The following RUNX1 variants were observed in gnomAD, a reference collection of about 807,000 sequenced individuals.
The protein encoded by RUNX1 is RUNX family transcription factor 1.
Under a neutral mutation model 42.8 loss-of-function variants are expected in RUNX1, and 19 were observed. The observed-to-expected ratio is 0.44, with a 90% CI of 0.31 to 0.65. The LOEUF (loss-of-function observed/expected upper bound fraction) is 0.65, where lower values mean the gene tolerates loss of function less well. Among genes scored for constraint, RUNX1 ranks in the 30% least tolerant of loss-of-function variants. RUNX1 has a pLI of 0.07. For synonymous variants in RUNX1, 271 were observed against 289.4 expected, an observed-to-expected ratio of 0.94 and a Z score of 0.64; for missense variants, 528 against 672.0, an observed-to-expected ratio of 0.79 and a Z score of 2.37.
intron 8 of RUNX1, 57 bp downstream of exon 8, chr21:34,799,244 T>G: frequency 6.3e-7 from 1 of 1,589,230 alleles, no homozygotes; most frequent in Non-Finnish European, 8.6e-7. Flanking sequence ...GCACCTCTAG[T>G]CTCCTGGACC....
At chr21:34,944,325 C>A (rs1265400278) in intron 2 of RUNX1, among the ~76,000 whole-genome samples, 1 of 152,122 alleles carries the variant, frequency 6.6e-6, no homozygotes, top group Non-Finnish European at 1.5e-5. Context: ...TTTTCTTATT[C>A]TTTGAGTTTC....
At chr21:34,935,658 T>C (rs1359434047) in intron 2 of RUNX1, among the ~76,000 whole-genome samples, 9 of 152,042 alleles carry the variant, frequency 5.9e-5, no homozygotes, top group Non-Finnish European at 1.3e-4. Context: ...GGATGAATCA[T>C]TGCTGTGGAG....
intron 2 of RUNX1, among the ~76,000 whole-genome samples, chr21:35,045,102 C>G (rs2059386537): frequency 2.0e-5 from 3 of 152,192 alleles, no homozygotes; most frequent in Admixed American, 2.0e-4. Context: ...AACACTTAAA[C>G]ATTTCAAAAT....
intron 5 of RUNX1, among the ~76,000 whole-genome samples, chr21:34,861,720 C>A (rs1387599760): frequency 6.6e-6 from 1 of 152,226 alleles, no homozygotes; most frequent in East Asian, 1.9e-4. Context: ...ATCCAAGGCT[C>A]CTTGCTGCAC....
intron 2 of RUNX1, among the ~76,000 whole-genome samples, chr21:34,971,987 C>A (rs1016783265): frequency 1.3e-5 from 2 of 152,170 alleles, no homozygotes; most frequent in Non-Finnish European, 2.9e-5. Flanking sequence ...CTCTTAGAGA[C>A]CATAATTTTA....
At chr21:34,888,309 T>G in intron 3 of RUNX1, 2 of 1,067,404 alleles carry the variant, frequency 1.9e-6, no homozygotes, top group Non-Finnish European at 2.3e-6. Flanking sequence ...ATCGGGCGGC[T>G]CGGGTTACAC....
At position 34,789,929 on chromosome 21, in the gene RUNX1, T is replaced by G; in HGVS notation, c.*2206A>C. ...TTTGCAGGTCAGACATGGTAACATG[T>G]GCTGAAAAAAAACATTTACGTTTAA... On this transcript the variant is annotated 3_prime_UTR_variant, in exon 9 of 9. Coordinates refer to ENST00000675419, the MANE Select transcript of RUNX1 (RefSeq NM_001754.5). The G allele has an allele frequency of 4.3e-6, 1 of 233,036 alleles. No homozygotes were observed. 14.4% of individuals were successfully genotyped at this position (233,036 alleles called of 1,614,324 possible). A position where few individuals can be genotyped will look rare whatever the true frequency, so the allele number is the denominator to read the frequency against.
At chr21:34,920,220 C>T (rs2058343458) in intron 2 of RUNX1, among the ~76,000 whole-genome samples, 1 of 152,192 alleles carries the variant, frequency 6.6e-6, no homozygotes, top group African/African-American at 2.4e-5. Flanking sequence ...CACTTTGAGG[C>T]TTTACTCCCA....
In RUNX1 at chr21:34,790,130, T is replaced by C. The variant is rs115087797; in HGVS notation, c.*2005A>G. 48 of 233,262 alleles carry C rather than the reference T, an allele frequency of 2.1e-4. No individual in the cohort carries two copies. Among genetic ancestry groups the C allele is most frequent in the African/African-American group, 1.1e-3 (48 of 45,454 alleles). 14.4% of individuals were successfully genotyped at this position (233,262 alleles called of 1,614,324 possible). On this transcript the variant is annotated 3_prime_UTR_variant, in exon 9 of 9. Coordinates refer to ENST00000675419, the MANE Select transcript of RUNX1 (RefSeq NM_001754.5). Reference sequence around the variant, plus strand: ...TTCTGAGTTTGTCCGAGATCTGCTATAGCTCTTCTCTAGATAAGAACGACC... The same window carrying C: ...TTCTGAGTTTGTCCGAGATCTGCTACAGCTCTTCTCTAGATAAGAACGACC...
intron 5 of RUNX1, 109 bp downstream of exon 5, chr21:34,880,448 A>T: frequency 9.7e-7 from 1 of 1,035,804 alleles, no homozygotes; most frequent in Non-Finnish European, 1.5e-6. Flanking sequence ...TAAGAATGTT[A>T]AGACAGACCG....
intron 2 of RUNX1, among the ~76,000 whole-genome samples, chr21:34,937,270 A>G (rs2058492816): frequency 6.6e-6 from 1 of 151,746 alleles, no homozygotes; most frequent in African/African-American, 2.4e-5. Flanking sequence ...TAATATTTAA[A>G]AACACAGATG....
At chr21:34,886,735 G>A in intron 4 of RUNX1, 108 bp downstream of exon 4, 1 of 1,553,788 alleles carries the variant, frequency 6.4e-7, no homozygotes, top group South Asian at 1.1e-5. Flanking sequence ...GGGCTGCGGG[G>A]GCCCCTTTCC....
chr21:34,967,973 T>A (rs1021058180), intron 2 of RUNX1, among the ~76,000 whole-genome samples: 3 of 152,198 alleles, frequency 2.0e-5, no homozygotes, highest in Admixed American at 1.3e-4. Flanking sequence ...TGGCCCCACT[T>A]CCCAGTGCCT....
At chr21:34,796,235 A>T (rs2056525985) in intron 8 of RUNX1, among the ~76,000 whole-genome samples, 1 of 152,266 alleles carries the variant, frequency 6.6e-6, no homozygotes, top group South Asian at 2.1e-4. Flanking sequence ...TCTTCTATGT[A>T]CACATGAGCA....
At chr21:35,031,543 T>G (rs1343760283) in intron 2 of RUNX1, among the ~76,000 whole-genome samples, 1 of 152,162 alleles carries the variant, frequency 6.6e-6, no homozygotes, top group Admixed American at 6.5e-5. Flanking sequence ...ATGAAGTCAG[T>G]ATGTCGAAGA....
chr21:34,952,567 T>C (rs1379431384), intron 2 of RUNX1, among the ~76,000 whole-genome samples: 9 of 152,144 alleles, frequency 5.9e-5, no homozygotes, highest in Admixed American at 5.9e-4. Flanking sequence ...TGAATTTATA[T>C]TTAAGTTTGC....
At chr21:34,810,607 T>A (rs2056745544) in intron 7 of RUNX1, among the ~76,000 whole-genome samples, 2 of 152,190 alleles carry the variant, frequency 1.3e-5, no homozygotes, top group South Asian at 4.1e-4. Context: ...GCTTGGCCCC[T>A]CACTCACAGT....
rs1294682766 is a variant in RUNX1 at position 34,948,742 on chromosome 21, C to CT, written c.59-55780dup. On this transcript the variant is annotated intron_variant, in intron 2 of 8. Transcript: ENST00000675419. ...ACAAGGGGATGTGCAGAATTTCTTT[C>CT]TTTTTTTTCCTTTTTCTTTTGAGAT... Among the ~76,000 whole-genome samples the CT allele has an allele frequency of 4.6e-5, 7 of 151,916 alleles. No homozygotes were observed. The East Asian group carries it at 1.2e-3, about 25-fold the overall frequency.
intron 6 of RUNX1, among the ~76,000 whole-genome samples, chr21:34,857,261 T>C (rs2057507476): frequency 6.6e-6 from 1 of 152,212 alleles, no homozygotes; most frequent in African/African-American, 2.4e-5. Context: ...AGGGTGCTTC[T>C]CCATATAACA....
Sources: gnomAD v4.1 joint callset for allele counts (sites outside exome capture counted in the v4.1 genomes callset) on GRCh38, gnomAD v4.1.1 for gene constraint, MANE v1.5 for transcripts, NCBI Gene and HGNC (gene_info 2026-07-23, HGNC 2026-07-21) for gene names.